POLE: variants seen among roughly 807,000 people sequenced by gnomAD.
POLE encodes the protein DNA polymerase epsilon, catalytic subunit.
POLE carries 188 observed loss-of-function variants against 279.2 expected under a neutral mutation model. The ratio of observed to expected loss-of-function variants is 0.67; its 90% CI spans 0.60 to 0.76. The LOEUF (loss-of-function observed/expected upper bound fraction) is 0.76, where lower values mean the gene tolerates loss of function less well. POLE is among the 30% of genes least tolerant of loss of function. POLE has a pLI of 0.00. For missense variants in POLE, 2,703 were observed against 3,016.7 expected, an observed-to-expected ratio of 0.90 and a Z score of 2.44; for synonymous variants, 1,214 against 1,172.5, an observed-to-expected ratio of 1.04 and a Z score of -0.72.
chr12:132,636,535 C>T (rs4883619), intron 41 of POLE, among the ~76,000 whole-genome samples: 72,189 of 151,198 alleles, frequency 0.48, 17,596 homozygotes, highest in East Asian at 0.7. Flanking sequence ...GCAGGAGGAT[C>T]GCCTGAGTTC....
At position 132,676,618 on chromosome 12, in the gene POLE, G is replaced by C. The variant is rs927395918; in HGVS notation, c.837C>G (p.Thr279=). 16 of 1,613,696 alleles carry C rather than the reference G, an allele frequency of 9.9e-6. No individual in the cohort carries two copies. Among genetic ancestry groups the C allele is most frequent in the Non-Finnish European group, 1.3e-5 (15 of 1,179,770 alleles). Residue 279 remains threonine, a synonymous_variant, in exon 9 of 49, where the codon ACC becomes ACG. Transcript: ENST00000320574. ...PVVLAFDIET[T]KLPLKFPDAE... ...CATCAGGAAACTTGAGGGGCAGTTT[G>C]GTCGTCTCAATGTCAAATGCCAAAA...
Position 132,632,686 on chromosome 12 carries a change from C to T in POLE, c.6114G>A (p.Glu2038=), listed in dbSNP as rs2138463808. The T allele has an allele frequency of 1.2e-6, 2 of 1,614,052 alleles. No individual in the cohort carries two copies. The highest frequency in any genetic ancestry group is 1.7e-6 in the Non-Finnish European group (2 of 1,180,010). ...RGASQLSQEA[E]GAVGALPGMI... is the part of the protein sequence containing the mutation. Reference sequence around the variant, plus strand: ...CACCGGGAAGGGCTCCGACCGCCCCCTCGGCCTCCTGGGAGAGCTGGCTGG... The same window carrying T: ...CACCGGGAAGGGCTCCGACCGCCCCTTCGGCCTCCTGGGAGAGCTGGCTGG... Residue 2038 remains glutamate, a synonymous_variant, in exon 44 of 49, where the codon GAG becomes GAA. Transcript: ENST00000320574.
At chr12:132,631,585 G>A (rs1295231498) in intron 45 of POLE, among the ~76,000 whole-genome samples, 1 of 152,176 alleles carries the variant, frequency 6.6e-6, no homozygotes, top group Non-Finnish European at 1.5e-5. Context: ...GGCTGAGTGA[G>A]GAAATGGACA....
intron 20 of POLE, among the ~76,000 whole-genome samples, chr12:132,666,342 C>T (rs1039804679): frequency 1.3e-5 from 2 of 152,258 alleles, no homozygotes; most frequent in African/African-American, 4.8e-5. Context: ...AATCCCAGCC[C>T]TGTGGGAGGC....
chr12:132,671,504 A>G (rs1308918760), intron 16 of POLE, among the ~76,000 whole-genome samples: 1 of 150,958 alleles, frequency 6.6e-6, no homozygotes, highest in Non-Finnish European at 1.5e-5. Context: ...CCCTGTCTCT[A>G]CTAAAAATAC....
intron 1 of POLE, among the ~76,000 whole-genome samples, chr12:132,686,719 A>G (rs1264276623): frequency 1.3e-5 from 2 of 152,038 alleles, no homozygotes; most frequent in Non-Finnish European, 2.9e-5. Flanking sequence ...TGGGCGACAG[A>G]GCGGGACTCC....
chr12:132,637,905 T>G, intron 41 of POLE, 109 bp downstream of exon 41: 1 of 1,305,276 alleles, frequency 7.7e-7, no homozygotes. Context: ...AGTCCTGCAC[T>G]TCTAACGACC....
chr12:132,657,891 G>A lies in POLE; in HGVS notation c.3355C>T (p.Leu1119Phe), dbSNP rs376921543. ...ACTGCTCGAATATCAAAGTCTTGAA[G>A]GGAAGAGCTCTTGAGCCATTTCCGG... The part of the protein sequence containing the change: ...FLRKWLKSSS[L>F]QDFDIRAILD... Residue 1119 changes from leucine (L) to phenylalanine (F), a missense_variant, in exon 27 of 49, where the codon CTT (leucine) becomes TTT (phenylalanine). By Grantham distance (22) the Leu-to-Phe change is conservative. Coordinates refer to ENST00000320574, the MANE Select transcript of POLE (RefSeq NM_006231.4). 3.7e-6 allele frequency: 6 copies of A among 1,613,558 alleles called. No homozygotes were observed.
chr12:132,672,743 ACTC>A lies in POLE; in HGVS notation c.1567_1569del (p.Glu523del). ...TGTCCGTCGTCCGTCAGCTTATTGAACTCCTGCTCTTGCTTGTTGGGGAAGATG... is the reference window on the plus strand; with the variant it reads ...TGTCCGTCGTCCGTCAGCTTATTGAACTGCTCTTGCTTGTTGGGGAAGATG... On this transcript the variant is annotated inframe_deletion, in exon 15 of 49. Coordinates refer to ENST00000320574, the MANE Select transcript of POLE (RefSeq NM_006231.4). The A allele has an allele frequency of 6.2e-7, 1 of 1,613,868 alleles. No homozygotes were observed.
At chr12:132,646,133 G>A (rs1257555688) in intron 32 of POLE, among the ~76,000 whole-genome samples, 1 of 152,204 alleles carries the variant, frequency 6.6e-6, no homozygotes, top group Non-Finnish European at 1.5e-5. Flanking sequence ...GATCTGGCCA[G>A]CCCAATTTGG....
rs1393231299 is a variant in POLE at position 132,657,172 on chromosome 12, C to T, written c.3546G>A (p.Lys1182=). Residue 1182 remains lysine (K), a synonymous_variant, in exon 29 of 49, where the codon AAG becomes AAA. Transcript: ENST00000320574. ...LEKNDVYKQK[K]ISELFTLEGR... is the part of the protein sequence containing the mutation. ...CCTCCAGGGTGAAGAGCTCACTGATCTTCTTCTGCTTGTAGACATCATTCT... is the reference window on the plus strand; with the variant it reads ...CCTCCAGGGTGAAGAGCTCACTGATTTTCTTCTGCTTGTAGACATCATTCT... 2 of 1,613,874 alleles carry T rather than the reference C, an allele frequency of 1.2e-6. No homozygotes were observed. Among genetic ancestry groups the T allele is most frequent in the East Asian group, 4.5e-5 (2 of 44,870 alleles).
chr12:132,680,837 AT>A (rs1234110393), intron 2 of POLE, 150 bp from the exon 3 acceptor site: 4 of 671,642 alleles, frequency 6.0e-6, no homozygotes, highest in Non-Finnish European at 7.8e-6. Flanking sequence ...TACCAGCCTT[AT>A]TCACAAGAAC....
In POLE at chr12:132,684,001, T is replaced by C. The variant is rs1027299711; in HGVS notation, c.63-2722A>G. ...TGGTTACTATATCACACCGTCCCAGTACTCCACACAGGCTCTCATTCACAG... is the reference window on the plus strand; with the variant it reads ...TGGTTACTATATCACACCGTCCCAGCACTCCACACAGGCTCTCATTCACAG... On this transcript the variant is annotated intron_variant, in intron 1 of 48. Coordinates refer to ENST00000320574, the MANE Select transcript of POLE (RefSeq NM_006231.4). Among the ~76,000 whole-genome samples, 668 of 142,052 alleles carry C rather than the reference T, an allele frequency of 4.7e-3. 2 individuals are homozygous for C. The highest frequency in any genetic ancestry group is 6.4e-3 in the Non-Finnish European group (422 of 65,588). 93.2% of individuals were successfully genotyped at this position (142,052 alleles called of 152,430 possible). A position where few individuals can be genotyped will look rare whatever the true frequency, so the allele number is the denominator to read the frequency against.
intron 45 of POLE, among the ~76,000 whole-genome samples, chr12:132,626,799 G>A (rs997200183): frequency 2.0e-5 from 3 of 152,156 alleles, no homozygotes; most frequent in African/African-American, 7.2e-5. Flanking sequence ...AAGATGATTC[G>A]ATAGAAAAAG....
intron 43 of POLE, chr12:132,633,861 G>A: frequency 4.0e-6 from 1 of 249,892 alleles, no homozygotes; most frequent in Non-Finnish European, 7.6e-6. Context: ...CCCTGGGAAT[G>A]TATGTGACTG....
chr12:132,624,917 G>A lies in POLE; in HGVS notation c.6735C>T (p.Thr2245=), dbSNP rs548289800. The A allele has an allele frequency of 3.7e-6, 6 of 1,613,874 alleles. No individual in the cohort carries two copies. Among genetic ancestry groups the A allele is most frequent in the African/African-American group, 1.3e-5 (1 of 75,056 alleles). Residue 2245 remains threonine, a synonymous_variant, in exon 48 of 49, where the codon ACC becomes ACT. Coordinates refer to ENST00000320574, the MANE Select transcript of POLE (RefSeq NM_006231.4). The part of the protein sequence containing the change: ...YCSCAGDFAL[T]IHTQVFMEQI... ...AGGGAGAGCCCACCTGGGTGTGGATGGTGAGGGCGAAGTCTCCCGCGCAGC... is the reference window on the plus strand; with the variant it reads ...AGGGAGAGCCCACCTGGGTGTGGATAGTGAGGGCGAAGTCTCCCGCGCAGC...
In POLE at chr12:132,624,462, C is replaced by CT; in HGVS notation, c.*234_*235insA. 3.4e-6 allele frequency: 2 copies of CT among 584,138 alleles called. No individual in the cohort carries two copies. Among genetic ancestry groups the CT allele is most frequent in the Non-Finnish European group, 6.1e-6 (2 of 327,068 alleles). The allele number at this position is 584,138 out of a possible 1,614,324, so 36.2% of individuals were successfully genotyped here. A position where few individuals can be genotyped will look rare whatever the true frequency, so the allele number is the denominator to read the frequency against. ...AGGGCACTCGCAGCCTCGCTCACGG[C>CT]CTGCTTCTTCAGGTGCTCTGGCGAG... On this transcript the variant is annotated 3_prime_UTR_variant, in exon 49 of 49. Transcript: ENST00000320574.
rs1259655968 is a variant in POLE at position 132,664,283 on chromosome 12, G to A, written c.2561+87C>T. The A allele has an allele frequency of 2.9e-6, 4 of 1,387,414 alleles. No individual in the cohort carries two copies. In the South Asian group the frequency reaches 4.6e-5, roughly 16 times the overall value. The allele number at this position is 1,387,414 out of a possible 1,614,324, so 85.9% of individuals were successfully genotyped here. ...TCCCTCCTTCCTTCCTGCCCAGTGT[G>A]TGGCCTCCAGCCTTCCCTCCTTCCT... is the stretch of plus-strand genomic sequence containing the variant. On this transcript the variant is annotated intron_variant, in intron 22 of 48. Transcript: ENST00000320574. The surrounding 1 kb of genome is among the most constrained non-coding windows in gnomAD (Gnocchi z 5.3).
intron 3 of POLE, 38 bp from the exon 4 acceptor site, chr12:132,680,260 A>C: frequency 1.0e-5 from 16 of 1,588,098 alleles, no homozygotes; most frequent in Non-Finnish European, 1.4e-5. Context: ...GGTGATGAGA[A>C]AGAAGAAAGC....
Sources: allele counts gnomAD v4.1 joint callset (sites outside exome capture counted in the v4.1 genomes callset), GRCh38; gene constraint gnomAD v4.1.1; non-coding constraint Gnocchi (gnomAD v3.1); transcripts MANE v1.5; gene names NCBI Gene and HGNC (gene_info 2026-07-23, HGNC 2026-07-21).